The following PTPRG variants were observed in gnomAD, a reference collection of about 807,000 sequenced individuals.
PTPRG encodes the protein protein tyrosine phosphatase receptor type G, also known as receptor-type tyrosine-protein phosphatase gamma.
A neutral mutation model predicts 165.3 loss-of-function variants in PTPRG; 102 were observed. The ratio of observed to expected loss-of-function variants is 0.62; its 90% confidence interval spans 0.53 to 0.73. PTPRG has a LOEUF of 0.73. PTPRG is among the 30% of genes least tolerant of loss of function. The pLI, the probability that PTPRG is intolerant of heterozygous loss-of-function variation, is 0.00. For missense variants in PTPRG, 1,866 were observed against 1,861.4 expected (o/e 1.00, Z -0.05); for synonymous variants, 675 against 669.5 (o/e 1.01, Z -0.13).
chr3:61,677,799 C>T (rs1703285574), intron 1 of PTPRG, among the ~76,000 whole-genome samples: 1 of 152,128 alleles, frequency 6.6e-6, no homozygotes, highest in Admixed American at 6.5e-5. Flanking sequence ...TGGAAATCGG[C>T]AGCCCCTCTT....
intron 8 of PTPRG, among the ~76,000 whole-genome samples, 165 bp from the exon 9 acceptor site, chr3:62,191,304 C>A (rs574832811): frequency 6.6e-6 from 1 of 152,166 alleles, no homozygotes; most frequent in East Asian, 1.9e-4. Context: ...GAACAATGTT[C>A]TCCCTCTCTC....
intron 17 of PTPRG, among the ~76,000 whole-genome samples, chr3:62,265,449 TTTG>T (rs1192798660): frequency 6.6e-6 from 1 of 152,212 alleles, no homozygotes; most frequent in Admixed American, 6.5e-5. Context: ...TATAAATACA[TTTG>T]TAGGTTGTAT....
chr3:61,562,181 G>C lies in PTPRG; in HGVS notation c.-107G>C. On this transcript the variant is annotated 5_prime_UTR_variant, in exon 1 of 30. Transcript: ENST00000474889. ...CCGAGCGCGGGGGGCCCGTGGAGCG[G>C]GCGAGCCGGGGAAGCGCCCCGGCTT... is the stretch of plus-strand genomic sequence containing the variant. The C allele has an allele frequency of 9.6e-7, 1 of 1,038,192 alleles. No homozygotes were observed. The highest frequency in any genetic ancestry group is 1.5e-6 in the Non-Finnish European group (1 of 676,862). The allele number at this position is 1,038,192 out of a possible 1,614,324, so 64.3% of individuals were successfully genotyped here. A position where few individuals can be genotyped will look rare whatever the true frequency, so the allele number is the denominator to read the frequency against.
chr3:61,846,150 A>G (rs994145839), intron 2 of PTPRG, among the ~76,000 whole-genome samples: 1 of 152,222 alleles, frequency 6.6e-6, no homozygotes, highest in Non-Finnish European at 1.5e-5. Context: ...TACGGTGTCT[A>G]ATCTCTGATA....
At chr3:62,278,235 C>T (rs1363089778) in intron 26 of PTPRG, among the ~76,000 whole-genome samples, 1 of 152,028 alleles carries the variant, frequency 6.6e-6, no homozygotes, top group Non-Finnish European at 1.5e-5. Flanking sequence ...AATCATTTTA[C>T]TGTATGTCTT....
At chr3:62,142,669 C>G (rs1703974530) in intron 6 of PTPRG, among the ~76,000 whole-genome samples, 1 of 152,142 alleles carries the variant, frequency 6.6e-6, no homozygotes, top group Non-Finnish European at 1.5e-5. Flanking sequence ...TGTGTTCTCT[C>G]CACAAATTGA....
chr3:62,097,119 G>T (rs184294831), intron 5 of PTPRG, among the ~76,000 whole-genome samples: 1 of 152,240 alleles, frequency 6.6e-6, no homozygotes, highest in East Asian at 1.9e-4. Flanking sequence ...TAAGCAAAGG[G>T]CAAACTCAGA....
chr3:61,613,699 T>C (rs1701234817), intron 1 of PTPRG, among the ~76,000 whole-genome samples: 1 of 152,156 alleles, frequency 6.6e-6, no homozygotes, highest in South Asian at 2.1e-4. Context: ...TTGAAGATGG[T>C]GTAGTCTCAA....
intron 2 of PTPRG, among the ~76,000 whole-genome samples, chr3:61,786,611 T>C (rs1431010332): frequency 2.0e-5 from 3 of 152,178 alleles, no homozygotes; most frequent in Non-Finnish European, 2.9e-5. Context: ...GTATGTATCA[T>C]TGATAGTGTC....
chr3:61,733,499 A>C (rs961252032), intron 1 of PTPRG, among the ~76,000 whole-genome samples: 4 of 152,210 alleles, frequency 2.6e-5, no homozygotes, highest in African/African-American at 9.6e-5. Context: ...TTAACATGAG[A>C]TATTTCAGTT....
In PTPRG at chr3:61,754,997, T is replaced by C. The variant is rs191169646; in HGVS notation, c.190+6015T>C. On this transcript the variant is annotated intron_variant, in intron 2 of 29. Coordinates refer to ENST00000474889, the MANE Select transcript of PTPRG (RefSeq NM_002841.4). The stretch of plus-strand genomic sequence containing the variant: ...AGAGACCTCCTTCTTCTTCTTCTTT[T>C]TTTTTTTCTTTTGAGATGGAGTCTT... 5.7e-3 allele frequency among the ~76,000 whole-genome samples: 863 copies of C among 152,128 alleles called. 1 individual carries two copies. Among genetic ancestry groups the C allele is most frequent in the Middle Eastern group, 0.014 (4 of 294 alleles).
At chr3:61,763,845 C>T (rs1474940258) in intron 2 of PTPRG, among the ~76,000 whole-genome samples, 1 of 152,108 alleles carries the variant, frequency 6.6e-6, no homozygotes, top group Non-Finnish European at 1.5e-5. Context: ...CCTAGCTTCC[C>T]TGTACTCTTC....
intron 5 of PTPRG, among the ~76,000 whole-genome samples, chr3:62,113,737 A>G (rs1702753666): frequency 6.6e-6 from 1 of 152,212 alleles, no homozygotes; most frequent in Non-Finnish European, 1.5e-5. Flanking sequence ...ATGTTACCTG[A>G]ATAAAACGAA....
chr3:62,092,301 G>A (rs1026319346), intron 5 of PTPRG, among the ~76,000 whole-genome samples: 36 of 151,778 alleles, frequency 2.4e-4, no homozygotes, highest in African/African-American at 7.7e-4. Flanking sequence ...TTAGCTGGCC[G>A]TGGTGGTGGG....
intron 4 of PTPRG, among the ~76,000 whole-genome samples, chr3:62,025,222 A>C (rs893852755): frequency 2.0e-5 from 3 of 152,198 alleles, no homozygotes; most frequent in Admixed American, 2.0e-4. Flanking sequence ...ACTAATTGTT[A>C]AAATTATAGG....
chr3:62,110,346 T>C (rs1050515137), intron 5 of PTPRG, among the ~76,000 whole-genome samples: 3 of 152,146 alleles, frequency 2.0e-5, no homozygotes, highest in Non-Finnish European at 4.4e-5. Context: ...TTGTTCAGCA[T>C]GCTCAATAAT....
intron 1 of PTPRG, among the ~76,000 whole-genome samples, chr3:61,578,101 G>A (rs1700206108): frequency 6.6e-6 from 1 of 152,216 alleles, no homozygotes; most frequent in African/African-American, 2.4e-5. Flanking sequence ...TAGACATTTA[G>A]CAGAGTTCCT....
chr3:61,738,311 T>C lies in PTPRG; in HGVS notation c.86-10567T>C, dbSNP rs1311934514. ...ATATATATATATATATATATATATA[T>C]ACATATATATATATATATATATATA... On this transcript the variant is annotated intron_variant, in intron 1 of 29. Transcript: ENST00000474889. 8.0e-4 allele frequency among the ~76,000 whole-genome samples: 65 copies of C among 81,464 alleles called. 3 individuals are homozygous for C. The highest frequency in any genetic ancestry group is 2.8e-3 in the African/African-American group (49 of 17,638). The allele number at this position is 81,464 out of a possible 152,430, so 53.4% of individuals were successfully genotyped here. A position where few individuals can be genotyped will look rare whatever the true frequency, so the allele number is the denominator to read the frequency against.
chr3:62,281,076 C>T (rs1237628001), intron 26 of PTPRG, among the ~76,000 whole-genome samples: 2 of 152,032 alleles, frequency 1.3e-5, no homozygotes, highest in Non-Finnish European at 2.9e-5. Flanking sequence ...AACCTTTTTA[C>T]TATCTGTATG....
Sources: allele counts gnomAD v4.1 joint callset (sites outside exome capture counted in the v4.1 genomes callset), GRCh38; gene constraint gnomAD v4.1.1; transcripts MANE v1.5; gene names NCBI Gene and HGNC (gene_info 2026-07-23, HGNC 2026-07-21).